EYS: variants seen among roughly 807,000 people sequenced by gnomAD.
EYS encodes protein eyes shut homolog.
In EYS, 250 loss-of-function variants were observed where a neutral mutation model predicts 282.1. That is an observed-to-expected ratio of 0.89 (90% confidence interval 0.80 to 0.98). The LOEUF is 0.98. Ranked by LOEUF, EYS falls within the 50% of genes least tolerant of loss-of-function variation. The pLI, the probability that EYS is intolerant of heterozygous loss-of-function variation, is 0.00. For synonymous variants in EYS, 1,355 were observed against 1,282.9 expected (o/e 1.06, Z -1.20); for missense variants, 4,016 against 3,709.0 (o/e 1.08, Z -2.15).
At chr6:64,604,412 C>A (rs948981701) in intron 24 of EYS, among the ~76,000 whole-genome samples, 1 of 151,990 alleles carries the variant, frequency 6.6e-6, no homozygotes, top group Non-Finnish European at 1.5e-5. Flanking sequence ...ATGAATAAAA[C>A]TATGGGTCCA....
chr6:63,998,289 T>G (rs1767927080), intron 34 of EYS, among the ~76,000 whole-genome samples: 2 of 152,166 alleles, frequency 1.3e-5, no homozygotes, highest in South Asian at 4.1e-4. Flanking sequence ...AGGCCATAAT[T>G]TGGAAAATAC....
At position 64,230,815 on chromosome 6, in the gene EYS, T is replaced by C. The variant is rs1475370698; in HGVS notation, c.6201A>G (p.Gly2067=). The C allele has an allele frequency of 2.0e-6, 3 of 1,537,278 alleles. No homozygotes were observed. Among genetic ancestry groups the C allele is most frequent in the East Asian group, 4.9e-5 (2 of 40,598 alleles). The change falls in exon 31 of 43, where the codon GGA becomes GGG. Residue 2067 remains glycine, a synonymous_variant. Transcript: ENST00000503581. ...AGGAGGCTGTTGGAGACAGCATAAA[T>C]CCCTGGGATCTGTGATTTATAAACA... ...NYHINNCRSQ[G]FMLSPTASFV...
intron 36 of EYS, among the ~76,000 whole-genome samples, chr6:63,832,565 C>A (rs1040834765): frequency 2.0e-5 from 3 of 152,218 alleles, no homozygotes; most frequent in Admixed American, 2.0e-4. Flanking sequence ...GAAATAGAGG[C>A]AATAATTAAT....
chr6:65,432,500 G>T (rs898066796), intron 5 of EYS, among the ~76,000 whole-genome samples: 2 of 152,030 alleles, frequency 1.3e-5, no homozygotes, highest in African/African-American at 4.8e-5. Flanking sequence ...ATGGGTATAG[G>T]GTTCATTTTT....
intron 31 of EYS, among the ~76,000 whole-genome samples, chr6:64,172,937 A>C (rs1764525387): frequency 6.6e-6 from 1 of 151,980 alleles, no homozygotes; most frequent in Non-Finnish European, 1.5e-5. Context: ...GCCAAGGAAA[A>C]ATTGCCTTCC....
chr6:64,803,322 C>T (rs1044696661), intron 22 of EYS, among the ~76,000 whole-genome samples: 5 of 150,982 alleles, frequency 3.3e-5, no homozygotes, highest in African/African-American at 1.2e-4. Flanking sequence ...CTTTCCACAG[C>T]TGGTCATCCA....
chr6:65,530,933 T>A (rs966084418), intron 2 of EYS, among the ~76,000 whole-genome samples: 1 of 152,158 alleles, frequency 6.6e-6, no homozygotes, highest in Admixed American at 6.6e-5. Flanking sequence ...ATAAAGAATC[T>A]AAATTGCCTA....
intron 30 of EYS, among the ~76,000 whole-genome samples, chr6:64,283,839 C>T (rs954772784): frequency 6.6e-6 from 1 of 152,172 alleles, no homozygotes; most frequent in African/African-American, 2.4e-5. Context: ...AAGCAGAAAC[C>T]CCTGATAAAC....
chr6:64,089,947 C>A (rs1772295954), intron 31 of EYS, among the ~76,000 whole-genome samples: 1 of 152,074 alleles, frequency 6.6e-6, no homozygotes, highest in Non-Finnish European at 1.5e-5. Context: ...ACTGTCACTT[C>A]CAATCTAGCA....
chr6:65,173,447 A>G (rs10440809), intron 12 of EYS, among the ~76,000 whole-genome samples: 4,042 of 151,372 alleles, frequency 0.027, 140 homozygotes, highest in African/African-American at 0.08. Context: ...ACAAAAAATA[A>G]TATGTATTAT....
intron 12 of EYS, among the ~76,000 whole-genome samples, chr6:65,205,393 C>T (rs968627540): frequency 3.3e-5 from 5 of 151,620 alleles, no homozygotes; most frequent in Non-Finnish European, 7.4e-5. Flanking sequence ...TACCAGAGCA[C>T]CCAGGTTTAT....
chr6:65,168,785 C>T (rs1287078412), intron 12 of EYS, among the ~76,000 whole-genome samples: 1 of 151,252 alleles, frequency 6.6e-6, no homozygotes, highest in East Asian at 2.0e-4. Flanking sequence ...TTTTACTAGG[C>T]AAACTTTTTA....
At chr6:65,093,530 G>T (rs1177976281) in intron 12 of EYS, among the ~76,000 whole-genome samples, 1 of 151,868 alleles carries the variant, frequency 6.6e-6, no homozygotes, top group East Asian at 1.9e-4. Flanking sequence ...AGGTAAAAGT[G>T]TAGAAATTTT....
At chr6:64,676,513 T>A (rs555342654) in intron 22 of EYS, among the ~76,000 whole-genome samples, 1 of 152,160 alleles carries the variant, frequency 6.6e-6, no homozygotes, top group Admixed American at 6.5e-5. Flanking sequence ...ATTTTCAACA[T>A]ACATAAAAAT....
At chr6:65,549,521 T>C (rs1338562176) in intron 2 of EYS, among the ~76,000 whole-genome samples, 1 of 152,136 alleles carries the variant, frequency 6.6e-6, no homozygotes, top group African/African-American at 2.4e-5. Flanking sequence ...AGCTGTTTAG[T>C]TGCTATGAAG....
intron 28 of EYS, among the ~76,000 whole-genome samples, chr6:64,413,514 T>A (rs1423712540): frequency 7.7e-6 from 1 of 129,568 alleles, no homozygotes; most frequent in Admixed American, 8.9e-5. Context: ...AACAGAAGGC[T>A]ATTCTTGTCC....
At chr6:65,037,299 G>T (rs1210266250) in intron 13 of EYS, among the ~76,000 whole-genome samples, 1 of 151,710 alleles carries the variant, frequency 6.6e-6, no homozygotes, top group Admixed American at 6.6e-5. Context: ...TTGATAAGAG[G>T]ACCTACTTGA....
intron 22 of EYS, among the ~76,000 whole-genome samples, chr6:64,661,266 C>T (rs555429642): frequency 6.6e-5 from 10 of 152,228 alleles, no homozygotes; most frequent in African/African-American, 1.9e-4. Flanking sequence ...ACATGTTAGA[C>T]CTGAAACCAT....
intron 29 of EYS, among the ~76,000 whole-genome samples, chr6:64,366,136 C>A (rs747661061): frequency 6.6e-6 from 1 of 151,960 alleles, no homozygotes; most frequent in Non-Finnish European, 1.5e-5. Flanking sequence ...TGCTCTTCTG[C>A]CATTAGGAAG....
Sources: gnomAD v4.1 joint callset for allele counts (sites outside exome capture counted in the v4.1 genomes callset) on GRCh38, gnomAD v4.1.1 for gene constraint, MANE v1.5 for transcripts, NCBI Gene and HGNC (gene_info 2026-07-23, HGNC 2026-07-21) for gene names.